The following MAD1L1 variants were observed in gnomAD, a reference collection of about 807,000 sequenced individuals.
MAD1L1 encodes mitotic spindle assembly checkpoint protein MAD1.
In MAD1L1, 95 loss-of-function variants were observed where a neutral mutation model predicts 96.9. The observed-to-expected ratio is 0.98, with a 90% CI of 0.83 to 1.16. MAD1L1 has a LOEUF of 1.16. MAD1L1 is among the 50% of genes most tolerant of loss of function. MAD1L1 has a pLI of 0.00. For missense variants in MAD1L1, 1,007 were observed against 954.4 expected, an observed-to-expected ratio of 1.06 and a Z score of -0.73; for synonymous variants, 473 against 396.6, an observed-to-expected ratio of 1.19 and a Z score of -2.29.
At position 1,936,810 on chromosome 7, in the gene MAD1L1, T is replaced by G. The variant is rs1778635847; in HGVS notation, c.1684A>C (p.Ser562Arg). The G allele has an allele frequency of 6.3e-7, 1 of 1,598,388 alleles. No individual in the cohort carries two copies. Among genetic ancestry groups the G allele is most frequent in the Non-Finnish European group, 8.5e-7 (1 of 1,173,508 alleles). ...VARQRLREDH[S>R]QLQAECERLR... The stretch of plus-strand genomic sequence containing the variant: ...CGCTCGCACTCCGCCTGCAGCTGGC[T>G]GTGGTCCTCGCGCAGGCGCTGCCTG... The change falls in exon 17 of 19, where the codon AGC (serine) becomes CGC (arginine). Residue 562 changes from serine to arginine, a missense_variant. By Grantham distance (110) the Ser-to-Arg change is moderately radical. Transcript: ENST00000265854.
At chr7:2,131,284 G>A in intron 11 of MAD1L1, among the ~76,000 whole-genome samples, 1 of 152,176 alleles carries the variant, frequency 6.6e-6, no homozygotes, top group East Asian at 1.9e-4. Flanking sequence ...ATGTACTATG[G>A]TCTGGAGAGG....
At chr7:1,936,627 C>T (rs2280552) in intron 17 of MAD1L1, 60 bp downstream of exon 17, 556,108 of 1,496,768 alleles carry the variant, frequency 0.37, 106,263 homozygotes, top group African/African-American at 0.55. Context: ...CAAAGGCGCA[C>T]GGATGGACCT....
Position 2,216,256 on chromosome 7 carries a change from T to G in MAD1L1, c.710A>C (p.Gln237Pro), listed in dbSNP as rs1195672322. 2 of 1,614,132 alleles carry G rather than the reference T, an allele frequency of 1.2e-6. No individual in the cohort carries two copies. Among genetic ancestry groups the G allele is most frequent in the South Asian group, 2.2e-5 (2 of 91,088 alleles). Residue 237 changes from glutamine (Q) to proline (P), a missense_variant, in exon 8 of 19, where the codon CAG (glutamine) becomes CCG (proline). By Grantham distance (76) the Gln-to-Pro change is moderately conservative. Coordinates refer to ENST00000265854, the MANE Select transcript of MAD1L1 (RefSeq NM_001013836.2). The stretch of plus-strand genomic sequence containing the variant: ...CATGTTCTTCACAATCGCTGCATCC[T>G]GCTCTTGCAGGGACAGCTTCTGCTC... ...DLEQKLSLQE[Q>P]DAAIVKNMKS...
At chr7:2,187,361 G>T (rs532858414) in intron 10 of MAD1L1, among the ~76,000 whole-genome samples, 2 of 152,096 alleles carry the variant, frequency 1.3e-5, no homozygotes, top group Admixed American at 6.6e-5. Context: ...AAAAAACAAG[G>T]AATAATAATA....
intron 12 of MAD1L1, among the ~76,000 whole-genome samples, chr7:2,028,816 G>A (rs903225103): frequency 5.3e-5 from 8 of 152,188 alleles, no homozygotes; most frequent in Admixed American, 6.5e-5. Flanking sequence ...CAGGCGGAAG[G>A]AGCAGCTTTG....
intron 15 of MAD1L1, among the ~76,000 whole-genome samples, chr7:1,965,080 C>A (rs138608179): frequency 6.6e-6 from 1 of 152,234 alleles, no homozygotes; most frequent in African/African-American, 2.4e-5. Flanking sequence ...GCTAGCTCCA[C>A]GTTTCCAGCC....
intron 18 of MAD1L1, among the ~76,000 whole-genome samples, chr7:1,816,832 T>C (rs1781833308): frequency 6.6e-6 from 1 of 151,850 alleles, no homozygotes; most frequent in Admixed American, 6.6e-5. Flanking sequence ...GCCACGGTCC[T>C]GGGCTGTGTG....
chr7:2,230,401 G>C (rs1276123366), intron 2 of MAD1L1, 148 bp downstream of exon 2: 1 of 390,106 alleles, frequency 2.6e-6, no homozygotes, highest in Admixed American at 3.7e-5. Context: ...CACATGGACA[G>C]ATGGACAGCT....
intron 18 of MAD1L1, among the ~76,000 whole-genome samples, chr7:1,861,409 GC>G (rs1479191968): frequency 2.0e-5 from 3 of 151,686 alleles, no homozygotes; most frequent in African/African-American, 7.3e-5. Context: ...TGCTCCGCCT[GC>G]CCCCTGGTTG....
chr7:1,912,646 G>A lies in MAD1L1; in HGVS notation c.1808-14256C>T, dbSNP rs537179312. Reference sequence around the variant, plus strand: ...AGAGCACTCCCCTCTCATCCCACCAGCTCCAGGCAGACCCAGCCTCACAGG... The same window carrying A: ...AGAGCACTCCCCTCTCATCCCACCAACTCCAGGCAGACCCAGCCTCACAGG... On this transcript the variant is annotated intron_variant, in intron 17 of 18. Transcript: ENST00000265854. Among the ~76,000 whole-genome samples the A allele has an allele frequency of 5.9e-5, 9 of 152,256 alleles. No individual in the cohort carries two copies. The South Asian group carries it at 1.9e-3, about 32-fold the overall frequency.
chr7:2,052,438 A>G (rs1784222919), intron 12 of MAD1L1, among the ~76,000 whole-genome samples: 1 of 149,818 alleles, frequency 6.7e-6, no homozygotes, highest in Non-Finnish European at 1.5e-5. Flanking sequence ...GCCCAGGCAC[A>G]GCAGGCAGGG....
intron 10 of MAD1L1, among the ~76,000 whole-genome samples, chr7:2,203,289 A>G (rs1475834228): frequency 2.6e-5 from 4 of 152,234 alleles, no homozygotes; most frequent in Non-Finnish European, 5.9e-5. Context: ...CTGCTAAATG[A>G]CAGTTTTGAA....
At chr7:2,023,245 C>A (rs1782862128) in intron 12 of MAD1L1, among the ~76,000 whole-genome samples, 2 of 152,132 alleles carry the variant, frequency 1.3e-5, no homozygotes, top group Non-Finnish European at 2.9e-5. Context: ...TCCTCTCAAA[C>A]TCATATGGAA....
intron 18 of MAD1L1, among the ~76,000 whole-genome samples, chr7:1,861,069 G>A (rs1364121423): frequency 6.6e-6 from 1 of 152,234 alleles, no homozygotes; most frequent in Non-Finnish European, 1.5e-5. Context: ...TACCGCACAA[G>A]TCCCAGCACG....
At chr7:2,066,942 C>T (rs1017012863) in intron 12 of MAD1L1, among the ~76,000 whole-genome samples, 1 of 152,242 alleles carries the variant, frequency 6.6e-6, no homozygotes, top group African/African-American at 2.4e-5. Context: ...CCAGGAGGTT[C>T]CCAAGGGATG....
rs536350492 is a variant in MAD1L1 at position 2,014,791 on chromosome 7, CCCA to C, written c.1219-152_1219-150del. 1.6e-3 allele frequency: 1,352 copies of C among 868,680 alleles called. 18 individuals are homozygous for C. The African/African-American group carries it at 0.021, about 14-fold the overall frequency. 53.8% of individuals were successfully genotyped at this position (868,680 alleles called of 1,614,324 possible). A position where few individuals can be genotyped will look rare whatever the true frequency, so the allele number is the denominator to read the frequency against. Reference sequence around the variant, plus strand: ...AGCACTCAGAGCCCACCCCTGAGGGCCCACCAAAGTGAAGAGGGCCCCAGAGTT... The same window carrying C: ...AGCACTCAGAGCCCACCCCTGAGGGCCCAAAGTGAAGAGGGCCCCAGAGTT... On this transcript the variant is annotated intron_variant, in intron 12 of 18. Transcript: ENST00000265854.
chr7:2,002,668 C>T (rs939739917), intron 13 of MAD1L1, among the ~76,000 whole-genome samples: 3 of 152,186 alleles, frequency 2.0e-5, no homozygotes, highest in African/African-American at 7.2e-5. Flanking sequence ...CCAAAGGGCA[C>T]CAGGCTTGAC....
intron 12 of MAD1L1, among the ~76,000 whole-genome samples, chr7:2,043,130 T>A (rs2128512130): frequency 6.6e-6 from 1 of 152,274 alleles, no homozygotes; most frequent in South Asian, 2.1e-4. Context: ...TTATGCAGTG[T>A]AAGGGGGGGC....
intron 11 of MAD1L1, among the ~76,000 whole-genome samples, chr7:2,124,873 T>G (rs973644990): frequency 2.6e-5 from 4 of 152,168 alleles, no homozygotes; most frequent in African/African-American, 9.7e-5. Context: ...GCTCGGCCAG[T>G]GATGCCAGCG....
Sources: gnomAD v4.1 joint callset for allele counts (sites outside exome capture counted in the v4.1 genomes callset) on GRCh38, gnomAD v4.1.1 for gene constraint, MANE v1.5 for transcripts, NCBI Gene and HGNC (gene_info 2026-07-23, HGNC 2026-07-21) for gene names.